Variants in TXLNA observed in about 807,000 individuals in gnomAD.
TXLNA encodes alpha-taxilin.
TXLNA carries 9 observed loss-of-function variants against 61.4 expected under a neutral mutation model. The observed-to-expected ratio is 0.15, with a 90% CI of 0.09 to 0.26. TXLNA has a LOEUF of 0.26. TXLNA is among the 10% of genes least tolerant of loss of function. The probability of loss-of-function intolerance (pLI) is 1.00; values close to 1 mark genes in which losing one functional copy is unlikely to be tolerated. For synonymous variants in TXLNA, 257 were observed against 267.7 expected (o/e 0.96, Z 0.39); for missense variants, 565 against 688.8 (o/e 0.82, Z 2.01).
rs2124130707 is a variant in TXLNA, at chr1:32,181,569, A to G, written c.497A>G (p.Lys166Arg). ...AGGCCACAGGAGAAGAAAAAAGCCA[A>G]GGGTTTGGGTGAGCAGAGGGCGGCT... ...HRRPQEKKKA[K>R]GLGKEITLLM... Residue 166 changes from lysine (K) to arginine (R), a missense_variant, in exon 3 of 11, where the codon AAG becomes AGG. Around this residue, in one of 2 missense-constraint regions of TXLNA, gnomAD observed 373 missense variants for 504.0 expected, o/e 0.74. Coordinates refer to ENST00000373610, the MANE Select transcript of TXLNA (RefSeq NM_175852.4). 6.5e-7 allele frequency: 1 copy of G among 1,539,890 alleles called. No homozygotes were observed. The highest frequency in any genetic ancestry group is 8.8e-7 in the Non-Finnish European group (1 of 1,140,510).
intron 4 of TXLNA, among the ~76,000 whole-genome samples, chr1:32,186,183 T>C (rs1045023626): frequency 6.6e-6 from 1 of 152,180 alleles, no homozygotes. Context: ...GGAAAATTGC[T>C]GATGCAAGAG....
rs1038115318 is a variant in TXLNA at position 32,195,316 on chromosome 1, C to T, written c.*121C>T. On this transcript the variant is annotated 3_prime_UTR_variant, in exon 11 of 11. Transcript: ENST00000373610. The stretch of plus-strand genomic sequence containing the variant: ...CAGGATGTTCTGACCTGGCTGGCAT[C>T]TGGCACTTGCAATTTTGGATTTTGT... 38 of 1,213,222 alleles carry T rather than the reference C, an allele frequency of 3.1e-5. No homozygotes were observed. Among genetic ancestry groups the T allele is most frequent in the Non-Finnish European group, 4.1e-5 (36 of 883,238 alleles). The allele number at this position is 1,213,222 out of a possible 1,614,324, so 75.2% of individuals were successfully genotyped here. A position where few individuals can be genotyped will look rare whatever the true frequency, so the allele number is the denominator to read the frequency against.
chr1:32,180,149 C>T (rs1460251462), intron 1 of TXLNA, 165 bp from the exon 2 acceptor site: 2 of 616,364 alleles, frequency 3.2e-6, no homozygotes, highest in Non-Finnish European at 5.3e-6. Context: ...CCCGGCACGT[C>T]GGGCTCTCCT....
intron 3 of TXLNA, among the ~76,000 whole-genome samples, 163 bp downstream of exon 3, chr1:32,181,740 T>C (rs1642667381): frequency 6.6e-6 from 1 of 152,156 alleles, no homozygotes; most frequent in South Asian, 2.1e-4. Flanking sequence ...GGCCACGGCA[T>C]AGAGAGATGC....
chr1:32,179,952 G>C (rs942180353), intron 1 of TXLNA, 176 bp downstream of exon 1: 5 of 154,406 alleles, frequency 3.2e-5, no homozygotes, highest in Non-Finnish European at 5.7e-5. Flanking sequence ...GTGGCTGCGC[G>C]CGCGGGGGGC....
In TXLNA at chr1:32,192,336, A is replaced by G; in HGVS notation, c.989A>G (p.Lys330Arg). The G allele has an allele frequency of 1.2e-6, 2 of 1,614,214 alleles. No individual in the cohort carries two copies. Among genetic ancestry groups the G allele is most frequent in the Non-Finnish European group, 8.5e-7 (1 of 1,180,020 alleles). ...CATATCGACAAAGTCTTCAAACACA[A>G]GGACCTACAACAGCAGCTGGTGGAT... ...EEHIDKVFKH[K>R]DLQQQLVDAK... Residue 330 changes from lysine to arginine, a missense_variant, in exon 7 of 11, where the codon AAG becomes AGG. Lys to Arg is a conservative substitution (Grantham distance 26, BLOSUM62 2). Coordinates refer to ENST00000373610, the MANE Select transcript of TXLNA (RefSeq NM_175852.4). The surrounding 1 kb of genome is among the most constrained non-coding windows in gnomAD (Gnocchi z 4.2).
Position 32,192,370 on chromosome 1 carries a change from C to T in TXLNA, c.1023C>T (p.Leu341=). 1 of 1,614,238 alleles carries T rather than the reference C, an allele frequency of 6.2e-7. No homozygotes were observed. Among genetic ancestry groups the T allele is most frequent in the South Asian group, 1.1e-5 (1 of 91,086 alleles). The stretch of plus-strand genomic sequence containing the variant: ...AACAGCAGCTGGTGGATGCCAAGCT[C>T]CAGCAGGCCCAGGAGATGCTAAAGG... The part of the protein sequence containing the change: ...DLQQQLVDAK[L]QQAQEMLKEA... Residue 341 remains leucine (L), a synonymous_variant, in exon 7 of 11, where the codon CTC becomes CTT. Coordinates refer to ENST00000373610, the MANE Select transcript of TXLNA (RefSeq NM_175852.4). The surrounding 1 kb of genome is among the most constrained non-coding windows in gnomAD (Gnocchi z 4.2).
chr1:32,188,248 T>A, intron 5 of TXLNA, 124 bp downstream of exon 5: 1 of 1,012,480 alleles, frequency 9.9e-7, no homozygotes, highest in Non-Finnish European at 1.4e-6. Flanking sequence ...CACACATAAG[T>A]GATTAAAAAT....
intron 4 of TXLNA, 115 bp downstream of exon 4, chr1:32,184,731 T>A: frequency 1.6e-6 from 1 of 633,344 alleles, no homozygotes; most frequent in Non-Finnish European, 2.8e-6. Context: ...TCAGCTTTTC[T>A]CTGAACTATC....
In TXLNA at chr1:32,195,999, C is replaced by CT. The variant is rs371779212; in HGVS notation, c.*814dup. The stretch of plus-strand genomic sequence containing the variant: ...TTTCTTTTTTTTTTTTTTTCTTTTT[C>CT]TTTTTTTTTTGCACATGACAGTGTT... On this transcript the variant is annotated 3_prime_UTR_variant, in exon 11 of 11. Transcript: ENST00000373610. 0.02 allele frequency: 2,837 copies of CT among 139,998 alleles called. 74 individuals carry two copies. The highest frequency in any genetic ancestry group is 0.072 in the African/African-American group (2,147 of 29,934). 8.7% of individuals were successfully genotyped at this position (139,998 alleles called of 1,614,324 possible).
chr1:32,181,285 C>T lies in TXLNA; in HGVS notation c.213C>T (p.Val71=), dbSNP rs769339074. ...CTCAGTCTGGGGCCCTTCGTGATGT[C>T]TCTGAGGAGCTGAGCCGCCAACTGG... The part of the protein sequence containing the change: ...RTAQSGALRD[V]SEELSRQLED... Residue 71 remains valine, a synonymous_variant, in exon 3 of 11, where the codon GTC becomes GTT. Coordinates refer to ENST00000373610, the MANE Select transcript of TXLNA (RefSeq NM_175852.4). 6.2e-7 allele frequency: 1 copy of T among 1,612,104 alleles called. No homozygotes were observed. The highest frequency in any genetic ancestry group is 8.5e-7 in the Non-Finnish European group (1 of 1,178,550).
intron 9 of TXLNA, among the ~76,000 whole-genome samples, chr1:32,193,629 C>A (rs898090601): frequency 2.0e-5 from 3 of 152,048 alleles, no homozygotes; most frequent in African/African-American, 4.8e-5. Context: ...CAGCCTTTGC[C>A]CCCCGGGTTC....
intron 4 of TXLNA, among the ~76,000 whole-genome samples, chr1:32,187,506 G>A (rs1642812362): frequency 6.6e-6 from 1 of 152,136 alleles, no homozygotes; most frequent in Non-Finnish European, 1.5e-5. Context: ...TAATTGTGTT[G>A]GGGAGAGCGC....
At chr1:32,181,206 CTTT>C (rs1557497151) in intron 2 of TXLNA, 33 bp from the exon 3 acceptor site, 2 of 1,489,776 alleles carry the variant, frequency 1.3e-6, no homozygotes, top group Non-Finnish European at 1.8e-6. Flanking sequence ...TAATCGTCTT[CTTT>C]CTCACTCTAC....
chr1:32,182,960 G>A (rs931545868), intron 3 of TXLNA, among the ~76,000 whole-genome samples: 1 of 151,442 alleles, frequency 6.6e-6, no homozygotes, highest in Non-Finnish European at 1.5e-5. Context: ...CCAGATACTC[G>A]GGAGGCTGAG....
At chr1:32,191,316 C>T (rs1642902280) in intron 6 of TXLNA, among the ~76,000 whole-genome samples, 1 of 152,032 alleles carries the variant, frequency 6.6e-6, no homozygotes, top group Non-Finnish European at 1.5e-5. Flanking sequence ...TGGGTGAGAC[C>T]GGGAAGATCT....
At position 32,192,284 on chromosome 1, in the gene TXLNA, C is replaced by T. The variant is rs372555854; in HGVS notation, c.964-27C>T. 47 of 1,609,648 alleles carry T rather than the reference C, an allele frequency of 2.9e-5. No homozygotes were observed. The highest frequency in any genetic ancestry group is 3.7e-5 in the Non-Finnish European group (44 of 1,176,740). On this transcript the variant is annotated intron_variant, in intron 6 of 10. Coordinates refer to ENST00000373610, the MANE Select transcript of TXLNA (RefSeq NM_175852.4). The surrounding 1 kb of genome is among the most constrained non-coding windows in gnomAD (Gnocchi z 4.2). Reference sequence around the variant, plus strand: ...CTGAGAAAGGGAGCGCCTGACAAGCCGACTGCTCCCACCATCTTTGTTGCA... The same window carrying T: ...CTGAGAAAGGGAGCGCCTGACAAGCTGACTGCTCCCACCATCTTTGTTGCA...
At chr1:32,187,113 G>T (rs1014239009) in intron 4 of TXLNA, among the ~76,000 whole-genome samples, 1 of 152,020 alleles carries the variant, frequency 6.6e-6, no homozygotes, top group African/African-American at 2.4e-5. Context: ...TGTTGGCCAG[G>T]CTGGTCTTGA....
At chr1:32,181,633 C>T (rs1370216975) in intron 3 of TXLNA, 56 bp downstream of exon 3, 7 of 1,412,464 alleles carry the variant, frequency 5.0e-6, no homozygotes, top group South Asian at 2.9e-5. Context: ...TTGGACTTGA[C>T]GTTCTCTGGG....
Sources: gnomAD v4.1 joint callset for allele counts (sites outside exome capture counted in the v4.1 genomes callset) on GRCh38, gnomAD v4.1.1 for gene constraint, gnomAD v4.1.1 regional missense constraint, Gnocchi (gnomAD v3.1) non-coding constraint, MANE v1.5 for transcripts, NCBI Gene and HGNC (gene_info 2026-07-23, HGNC 2026-07-21) for gene names.